The following IRAK1BP1 variants were observed in gnomAD, a reference collection of about 807,000 sequenced individuals.
IRAK1BP1 encodes the protein interleukin-1 receptor-associated kinase 1-binding protein 1.
Under a neutral mutation model 28.0 loss-of-function variants are expected in IRAK1BP1, and 24 were observed. The ratio of observed to expected loss-of-function variants is 0.86; its 90% CI spans 0.62 to 1.20. The LOEUF (loss-of-function observed/expected upper bound fraction) is 1.20, where lower values mean the gene tolerates loss of function less well. IRAK1BP1 is among the 50% of genes most tolerant of loss of function. The pLI is 0.00. For missense variants in IRAK1BP1, 336 were observed against 316.7 expected (o/e 1.06, Z -0.46); for synonymous variants, 131 against 116.3 (o/e 1.13, Z -0.81).
intron 2 of IRAK1BP1, among the ~76,000 whole-genome samples, chr6:78,892,572 A>G (rs528076672): frequency 6.6e-6 from 1 of 152,306 alleles, no homozygotes; most frequent in African/African-American, 2.4e-5. Flanking sequence ...AGTCTATAAA[A>G]TAGCAGAGAA....
chr6:78,934,016 C>A (rs914563032), intron 4 of IRAK1BP1, among the ~76,000 whole-genome samples: 1 of 152,134 alleles, frequency 6.6e-6, no homozygotes, highest in Non-Finnish European at 1.5e-5. Flanking sequence ...AAGTGAGAGA[C>A]TTGAGACTCT....
intron 4 of IRAK1BP1, chr6:78,940,265 T>C (rs1181804682): frequency 2.0e-5 from 3 of 151,952 alleles, no homozygotes; most frequent in Admixed American, 6.6e-5. Flanking sequence ...CTTGTATCAA[T>C]AGAAATGTAC....
intron 2 of IRAK1BP1, among the ~76,000 whole-genome samples, chr6:78,893,346 A>ATATC (rs1206912317): frequency 2.3e-5 from 3 of 132,934 alleles, no homozygotes; most frequent in Non-Finnish European, 4.8e-5. Context: ...ATATATATAT[A>ATATC]TATCAACGAA....
chr6:78,934,379 C>T (rs1221838601), intron 4 of IRAK1BP1, among the ~76,000 whole-genome samples: 3 of 152,192 alleles, frequency 2.0e-5, no homozygotes, highest in Non-Finnish European at 4.4e-5. Context: ...GCATGGTTAC[C>T]AGTTATCTGC....
chr6:78,958,427 C>T, the IRAK1BP1 span: 4 of 1,150,226 alleles, frequency 3.5e-6, no homozygotes, highest in Non-Finnish European at 2.6e-6. Flanking sequence ...AACTGTAGTG[C>T]CATTAATTAT....
chr6:78,910,915 G>T (rs1317993677), intron 4 of IRAK1BP1, among the ~76,000 whole-genome samples: 2 of 152,244 alleles, frequency 1.3e-5, no homozygotes, highest in Admixed American at 6.5e-5. Context: ...CTGCTGCAGG[G>T]GTCTGAACCG....
At chr6:78,918,487 G>A (rs1420008107) in intron 4 of IRAK1BP1, among the ~76,000 whole-genome samples, 2 of 148,636 alleles carry the variant, frequency 1.3e-5, no homozygotes, top group Non-Finnish European at 3.0e-5. Flanking sequence ...TCAGAGTAAA[G>A]GGCTGGGGAA....
In IRAK1BP1 at chr6:78,901,600, C is replaced by A. The variant is rs567457436; in HGVS notation, c.*3266C>A. On this transcript the variant is annotated 3_prime_UTR_variant, in exon 4 of 4. Coordinates refer to ENST00000369940, the MANE Select transcript of IRAK1BP1 (RefSeq NM_001010844.4). ...ATTTTCTGAAAGACAAACAAAAATT[C>A]TAAATAGGATATTTGAAACAGACCC... 4.0e-5 allele frequency: 6 copies of A among 151,600 alleles called. No homozygotes were observed. In the South Asian group the frequency reaches 1.2e-3, roughly 32 times the overall value. 9.4% of individuals were successfully genotyped at this position (151,600 alleles called of 1,614,324 possible).
At chr6:78,895,886 G>A (rs1254770562) in intron 2 of IRAK1BP1, among the ~76,000 whole-genome samples, 1 of 152,034 alleles carries the variant, frequency 6.6e-6, no homozygotes, top group African/African-American at 2.4e-5. Flanking sequence ...AAGAATAAAA[G>A]ACATCCAGAG....
intron 4 of IRAK1BP1, among the ~76,000 whole-genome samples, chr6:78,943,672 A>T (rs1294133497): frequency 6.6e-6 from 1 of 152,164 alleles, no homozygotes; most frequent in Non-Finnish European, 1.5e-5. Context: ...GGTAATGAAC[A>T]GGGTTTTCTG....
intron 2 of IRAK1BP1, among the ~76,000 whole-genome samples, chr6:78,892,757 T>A (rs1050828504): frequency 6.6e-6 from 1 of 152,028 alleles, no homozygotes; most frequent in African/African-American, 2.4e-5. Context: ...TTTCCAAAGA[T>A]GAAAACTACA....
At chr6:78,953,003 T>G in the IRAK1BP1 span, among the ~76,000 whole-genome samples, 9 of 152,156 alleles carry the variant, frequency 5.9e-5, no homozygotes, top group African/African-American at 2.2e-4. Flanking sequence ...GTTGTTTCTG[T>G]TATCTTATTA....
At chr6:78,897,458 A>G (rs112523468) in intron 2 of IRAK1BP1, among the ~76,000 whole-genome samples, 2 of 152,142 alleles carry the variant, frequency 1.3e-5, no homozygotes, top group Non-Finnish European at 2.9e-5. Context: ...GCAGTGAAGT[A>G]TGGCATGATT....
At chr6:78,944,515 A>T (rs954310403) in intron 4 of IRAK1BP1, among the ~76,000 whole-genome samples, 1 of 152,086 alleles carries the variant, frequency 6.6e-6, no homozygotes, top group African/African-American at 2.4e-5. Flanking sequence ...TGGAGAGGAG[A>T]GAATAGATTT....
intron 4 of IRAK1BP1, among the ~76,000 whole-genome samples, chr6:78,917,698 A>C (rs982043035): frequency 1.3e-5 from 2 of 151,900 alleles, no homozygotes; most frequent in Admixed American, 1.3e-4. Context: ...ACATACAAAG[A>C]GAATTCCATC....
intron 4 of IRAK1BP1, among the ~76,000 whole-genome samples, chr6:78,915,725 G>A (rs955222057): frequency 6.6e-6 from 1 of 152,158 alleles, no homozygotes; most frequent in Non-Finnish European, 1.5e-5. Context: ...ACACTGGCAT[G>A]ACAGCCTGAA....
chr6:78,970,853 G>A, the IRAK1BP1 span: 30 of 1,610,252 alleles, frequency 1.9e-5, no homozygotes, highest in Middle Eastern at 1.7e-4. Flanking sequence ...GGGCCATTTC[G>A]ACATAGGCTT....
chr6:78,952,921 T>C, the IRAK1BP1 span, among the ~76,000 whole-genome samples: 7 of 152,158 alleles, frequency 4.6e-5, no homozygotes, highest in Admixed American at 3.3e-4. Flanking sequence ...TCTCTTTTTT[T>C]TAATGAAGTA....
chr6:78,924,758 T>G (rs1213149573), intron 4 of IRAK1BP1, among the ~76,000 whole-genome samples: 1 of 152,142 alleles, frequency 6.6e-6, no homozygotes, highest in Non-Finnish European at 1.5e-5. Context: ...GCAAGGCTGG[T>G]TCAATATATG....
Sources: gnomAD v4.1 joint callset for allele counts (sites outside exome capture counted in the v4.1 genomes callset) on GRCh38, gnomAD v4.1.1 for gene constraint, MANE v1.5 for transcripts, NCBI Gene and HGNC (gene_info 2026-07-23, HGNC 2026-07-21) for gene names.